The following DLGAP2 variants were observed in gnomAD, a reference collection of about 807,000 sequenced individuals.
The protein encoded by DLGAP2 is disks large-associated protein 2.
A neutral mutation model predicts 100.3 loss-of-function variants in DLGAP2; 26 were observed. That is an observed-to-expected ratio of 0.26 (90% CI 0.19 to 0.36). DLGAP2 has a LOEUF of 0.36. Ranked by LOEUF, DLGAP2 falls within the 10% of genes least tolerant of loss-of-function variation. The pLI, the probability that DLGAP2 is intolerant of heterozygous loss-of-function variation, is 1.00. For missense variants in DLGAP2, 1,858 were observed against 1,453.2 expected (o/e 1.28, Z -4.53); for synonymous variants, 886 against 630.1 (o/e 1.41, Z -6.08).
chr8:1,505,868 T>C (rs540560656), intron 4 of DLGAP2, among the ~76,000 whole-genome samples: 6 of 152,208 alleles, frequency 3.9e-5, no homozygotes, highest in Admixed American at 2.0e-4. Flanking sequence ...GTTGGTGATT[T>C]ATTTGCATCT....
chr8:1,510,337 A>G (rs1433468530), intron 4 of DLGAP2, among the ~76,000 whole-genome samples: 2 of 152,226 alleles, frequency 1.3e-5, no homozygotes, highest in Non-Finnish European at 2.9e-5. Flanking sequence ...GGACCTTGCC[A>G]GCCTCGTTGC....
chr8:1,316,663 C>T (rs71516184), intron 3 of DLGAP2, among the ~76,000 whole-genome samples: 1 of 117,220 alleles, frequency 8.5e-6, no homozygotes, highest in African/African-American at 3.5e-5. Flanking sequence ...ACACTCGAGA[C>T]ACTTGGCAGC....
rs559115316 is a variant in DLGAP2, at chr8:1,064,678, C to T, written c.73+156712C>T. On this transcript the variant is annotated intron_variant, in intron 2 of 14. Coordinates refer to ENST00000637795, the MANE Select transcript of DLGAP2 (RefSeq NM_001346810.2). The stretch of plus-strand genomic sequence containing the variant: ...TTCTCTAAAATATTCGCTGTCAACA[C>T]GGGCTGAATGTGACCTCTCCACGTA... 7.2e-5 allele frequency among the ~76,000 whole-genome samples: 11 copies of T among 152,334 alleles called. No homozygotes were observed. In the South Asian group the frequency reaches 8.3e-4, roughly 11 times the overall value.
Position 1,501,356 on chromosome 8 carries a change from G to C in DLGAP2, c.107-10G>C, listed in dbSNP as rs143620327. ...CGCATTAAAGAGTGACTTTGTTTCTGTCTTTGCAGAGGAAGAAGCTGGAGA... is the reference window on the plus strand; with the variant it reads ...CGCATTAAAGAGTGACTTTGTTTCTCTCTTTGCAGAGGAAGAAGCTGGAGA... On this transcript the variant is annotated splice_polypyrimidine_tract_variant and intron_variant, in intron 3 of 14. Transcript: ENST00000637795. 6.4e-5 allele frequency: 99 copies of C among 1,535,916 alleles called. No homozygotes were observed. The East Asian group carries it at 2.3e-3, about 36-fold the overall frequency.
rs758493258 is a variant in DLGAP2, at chr8:1,548,662, A to G, written c.209A>G (p.Asn70Ser). The G allele has an allele frequency of 2.3e-5, 37 of 1,585,192 alleles. No homozygotes were observed. Among genetic ancestry groups the G allele is most frequent in the East Asian group, 9.0e-5 (4 of 44,268 alleles). ...TCATGGTCGCCCACGCAGCACTTCA[A>G]TGAGGAGCGCTACTCGCCCGCGCCC... ...QYSWSPTQHFNEERYSPAPRS... is the reference protein window; with the variant it reads ...QYSWSPTQHFSEERYSPAPRS... Residue 70 changes from asparagine (N) to serine (S), a missense_variant, in exon 5 of 15, where the codon AAT becomes AGT. Asn to Ser is a conservative substitution (Grantham distance 46). Transcript: ENST00000637795.
intron 6 of DLGAP2, among the ~76,000 whole-genome samples, chr8:1,613,210 C>T (rs1239489025): frequency 7.0e-6 from 1 of 143,056 alleles, no homozygotes; most frequent in Non-Finnish European, 1.5e-5. Flanking sequence ...TACTATGCAG[C>T]CATAAAAAAT....
intron 3 of DLGAP2, among the ~76,000 whole-genome samples, chr8:1,456,523 A>G (rs1177009896): frequency 6.6e-6 from 1 of 152,248 alleles, no homozygotes; most frequent in African/African-American, 2.4e-5. Context: ...ATGTGGTCCC[A>G]GAAAAGGCCC....
At chr8:1,010,262 A>T (rs1250520065) in intron 2 of DLGAP2, among the ~76,000 whole-genome samples, 1 of 150,958 alleles carries the variant, frequency 6.6e-6, no homozygotes, top group South Asian at 2.1e-4. Context: ...ATGCGCACAC[A>T]TGCACACACA....
At chr8:1,185,365 C>G (rs1045978023) in intron 2 of DLGAP2, among the ~76,000 whole-genome samples, 16 of 152,182 alleles carry the variant, frequency 1.1e-4, no homozygotes, top group African/African-American at 3.6e-4. Context: ...GGTGTTGTCT[C>G]CAGGGCACTT....
chr8:1,660,949 C>G (rs1317584912), intron 8 of DLGAP2, among the ~76,000 whole-genome samples: 1 of 152,188 alleles, frequency 6.6e-6, no homozygotes, highest in East Asian at 1.9e-4. Flanking sequence ...AATACCGCAA[C>G]TTTCAGCAAC....
Position 1,036,927 on chromosome 8 carries a change from G to A in DLGAP2, c.73+128961G>A, listed in dbSNP as rs142373201. ...ATACCAGAAGGTGTGACCCCCTCCC[G>A]GCACAGTTCCTAAAGTCCGTGCTCC... On this transcript the variant is annotated intron_variant, in intron 2 of 14. Transcript: ENST00000637795. 2.8e-3 allele frequency among the ~76,000 whole-genome samples: 427 copies of A among 152,120 alleles called. 7 individuals are homozygous for A. The highest frequency in any genetic ancestry group is 0.021 in the Admixed American group (327 of 15,292).
chr8:1,471,449 C>T (rs572262966), intron 3 of DLGAP2, among the ~76,000 whole-genome samples: 45 of 152,016 alleles, frequency 3.0e-4, no homozygotes, highest in African/African-American at 5.1e-4. Flanking sequence ...CTGCCTGTGA[C>T]GCAGGACATC....
chr8:1,192,809 C>T (rs1422485436), intron 2 of DLGAP2, among the ~76,000 whole-genome samples: 1 of 151,930 alleles, frequency 6.6e-6, no homozygotes, highest in African/African-American at 2.4e-5. Flanking sequence ...TCTCCTAAAG[C>T]TATCCCTCCC....
At chr8:1,150,371 G>T (rs969509698) in intron 2 of DLGAP2, among the ~76,000 whole-genome samples, 1 of 152,104 alleles carries the variant, frequency 6.6e-6, no homozygotes, top group African/African-American at 2.4e-5. Context: ...CGTTTCTTTG[G>T]CTTCTTATAA....
chr8:1,358,188 A>C (rs1801899668), intron 3 of DLGAP2, among the ~76,000 whole-genome samples: 2 of 152,220 alleles, frequency 1.3e-5, no homozygotes, highest in South Asian at 4.1e-4. Context: ...AAAGTTATTC[A>C]AAAGGATGTG....
chr8:943,471 C>T (rs965315335), intron 2 of DLGAP2, among the ~76,000 whole-genome samples: 14 of 152,218 alleles, frequency 9.2e-5, no homozygotes, highest in African/African-American at 2.7e-4. Flanking sequence ...GGTGTGTGGA[C>T]GTCATGACGC....
chr8:1,666,761 C>A (rs1230228992), intron 8 of DLGAP2, among the ~76,000 whole-genome samples: 1 of 151,828 alleles, frequency 6.6e-6, no homozygotes, highest in Admixed American at 6.6e-5. Flanking sequence ...GAATGGCAGG[C>A]TTGTTTTGTC....
At chr8:980,816 G>A (rs1328310319) in intron 2 of DLGAP2, among the ~76,000 whole-genome samples, 1 of 152,126 alleles carries the variant, frequency 6.6e-6, no homozygotes, top group African/African-American at 2.4e-5. Context: ...GGGGCCAATG[G>A]GAGAGGGAGG....
intron 2 of DLGAP2, among the ~76,000 whole-genome samples, chr8:973,702 T>C (rs768137631): frequency 1.1e-4 from 17 of 152,232 alleles, no homozygotes; most frequent in Non-Finnish European, 1.9e-4. Context: ...TCTTTCACGG[T>C]ACCTCAGTTG....
Sources: gnomAD v4.1 joint callset for allele counts (sites outside exome capture counted in the v4.1 genomes callset) on GRCh38, gnomAD v4.1.1 for gene constraint, MANE v1.5 for transcripts, NCBI Gene and HGNC (gene_info 2026-07-23, HGNC 2026-07-21) for gene names.